Variants in LHX1 observed in about 807,000 individuals in gnomAD.
The protein encoded by LHX1 is LIM homeobox 1.
A neutral mutation model predicts 34.1 loss-of-function variants in LHX1; 9 were observed. The observed-to-expected ratio is 0.26, with a 90% CI of 0.16 to 0.46. The LOEUF (loss-of-function observed/expected upper bound fraction) is 0.46. Ranked by LOEUF, LHX1 falls within the 20% of genes least tolerant of loss-of-function variation. The pLI, the probability that LHX1 is intolerant of heterozygous loss-of-function variation, is 1.00. For synonymous variants in LHX1, 254 were observed against 241.5 expected (o/e 1.05, Z -0.48); for missense variants, 446 against 559.1 (o/e 0.80, Z 2.04).
rs1242032719 is a variant in LHX1 at position 36,940,683 on chromosome 17, G to T, written c.471G>T (p.Glu157Asp). 1.2e-6 allele frequency: 2 copies of T among 1,613,802 alleles called. No individual in the cohort carries two copies. Among genetic ancestry groups the T allele is most frequent in the Non-Finnish European group, 1.7e-6 (2 of 1,180,054 alleles). ...DPSQDDAKDS[E>D]SANVSDKEAG... is the part of the protein sequence containing the mutation. The stretch of plus-strand genomic sequence containing the variant: ...CGCAGGACGACGCCAAGGACTCGGA[G>T]AGCGCCAACGTGTCGGACAAGGAAG... Residue 157 changes from glutamate (E) to aspartate (D), a missense_variant, in exon 3 of 5, where the codon GAG becomes GAT. Physicochemically the swap from Glu to Asp is conservative, Grantham distance 45 (BLOSUM62 2). Coordinates refer to ENST00000614239, the MANE Select transcript of LHX1 (RefSeq NM_005568.5).
Position 36,938,158 on chromosome 17 carries a change from CCTCT to C in LHX1, c.-31_-28del. 1 of 1,589,988 alleles carries C rather than the reference CCTCT, an allele frequency of 6.3e-7. No homozygotes were observed. Among genetic ancestry groups the C allele is most frequent in the South Asian group, 1.1e-5 (1 of 90,352 alleles). ...GTCATCCCCTGGGCTCTACTTTGCC[CCTCT>C]CTCTCTCTGGGCCTCATCAGACCAA... On this transcript the variant is annotated 5_prime_UTR_variant, in exon 1 of 5. Coordinates refer to ENST00000614239, the MANE Select transcript of LHX1 (RefSeq NM_005568.5).
At chr17:36,942,061 C>T (rs2070768196) in intron 3 of LHX1, 139 bp from the exon 4 acceptor site, 2 of 802,732 alleles carry the variant, frequency 2.5e-6, no homozygotes, top group Non-Finnish European at 4.0e-6. Context: ...CGCACCGTCA[C>T]CACTACCCTA....
In LHX1 at chr17:36,942,798, C is replaced by T. The variant is rs2070774479; in HGVS notation, c.888C>T (p.Phe296=). The T allele has an allele frequency of 6.5e-7, 1 of 1,546,466 alleles. No homozygotes were observed. The highest frequency in any genetic ancestry group is 1.4e-5 in the African/African-American group (1 of 72,860). Residue 296 remains phenylalanine, a synonymous_variant, in exon 5 of 5, where the codon TTC becomes TTT. Transcript: ENST00000614239. ...YYGPGGNYDF[F]PQGPPSSQAQ... ...GGCCCGGGGGCAACTACGACTTCTT[C>T]CCGCAAGGCCCCCCGTCCTCGCAGG...
Position 36,942,776 on chromosome 17 carries a change from C to T in LHX1, c.866C>T (p.Pro289Leu), listed in dbSNP as rs2142185654. ...YGDYQSEYYGPGGNYDFFPQG... is the reference protein window; with the variant it reads ...YGDYQSEYYGLGGNYDFFPQG... ...GATTACCAGAGCGAGTACTACGGGC[C>T]CGGGGGCAACTACGACTTCTTCCCG... is the stretch of plus-strand genomic sequence containing the variant. The change falls in exon 5 of 5, where the codon CCC (proline) becomes CTC (leucine). Residue 289 changes from proline to leucine, a missense_variant. Physicochemically the swap from Pro to Leu is moderately conservative, Grantham distance 98. This residue lies in a region of LHX1 where 235 missense variants were observed against 224.4 expected (regional missense o/e 1.05). Coordinates refer to ENST00000614239, the MANE Select transcript of LHX1 (RefSeq NM_005568.5). 2 of 1,540,508 alleles carry T rather than the reference C, an allele frequency of 1.3e-6. No individual in the cohort carries two copies. The highest frequency in any genetic ancestry group is 1.8e-6 in the Non-Finnish European group (2 of 1,140,250).
chr17:36,941,864 G>T (rs1459872921), intron 3 of LHX1, among the ~76,000 whole-genome samples: 2 of 152,150 alleles, frequency 1.3e-5, no homozygotes, highest in Non-Finnish European at 2.9e-5. Flanking sequence ...ACATTATTTT[G>T]GAGAGGCGTA....
chr17:36,943,400 A>C lies in LHX1; in HGVS notation c.*269A>C. 4.8e-6 allele frequency: 2 copies of C among 419,026 alleles called. No individual in the cohort carries two copies. The highest frequency in any genetic ancestry group is 5.2e-5 in the South Asian group (1 of 19,356). The allele number at this position is 419,026 out of a possible 1,614,324, so 26.0% of individuals were successfully genotyped here. A position where few individuals can be genotyped will look rare whatever the true frequency, so the allele number is the denominator to read the frequency against. Reference sequence around the variant, plus strand: ...AAACGCAGACCTCTCCCCAACTCCCACCTGGACCCGGATCCGTAGACAGAC... The same window carrying C: ...AAACGCAGACCTCTCCCCAACTCCCCCCTGGACCCGGATCCGTAGACAGAC... On this transcript the variant is annotated 3_prime_UTR_variant, in exon 5 of 5. Transcript: ENST00000614239.
At chr17:36,940,265 G>GC in intron 1 of LHX1, 25 bp from the exon 2 acceptor site, 2 of 328,474 alleles carry the variant, frequency 6.1e-6, no homozygotes, top group South Asian at 3.3e-5. Context: ...CCCCGCCCCC[G>GC]CCCCCCACCC....
At position 36,943,329 on chromosome 17, in the gene LHX1, A is replaced by T. The variant is rs2070781074; in HGVS notation, c.*198A>T. 1.6e-6 allele frequency: 1 copy of T among 618,808 alleles called. No individual in the cohort carries two copies. Among genetic ancestry groups the T allele is most frequent in the Non-Finnish European group, 2.7e-6 (1 of 374,008 alleles). The allele number at this position is 618,808 out of a possible 1,614,324, so 38.3% of individuals were successfully genotyped here. ...AAATCGGCCTCGAGGTGGGACTGGGATCCGCGCACTGGCTGTCGACGTGCA... is the reference window on the plus strand; with the variant it reads ...AAATCGGCCTCGAGGTGGGACTGGGTTCCGCGCACTGGCTGTCGACGTGCA... On this transcript the variant is annotated 3_prime_UTR_variant, in exon 5 of 5. Transcript: ENST00000614239.
At chr17:36,936,820 G>A (rs1477633084), upstream of LHX1, 4 of 182,646 alleles carry the variant, frequency 2.2e-5, no homozygotes, top group South Asian at 8.5e-5. Context: ...GCCGGAGCTG[G>A]GGAGAGACGC....
In LHX1 at chr17:36,940,462, A is replaced by G; in HGVS notation, c.343A>G (p.Lys115Glu). Residue 115 changes from lysine (K) to glutamate (E), a missense_variant, in exon 2 of 5, where the codon AAA (lysine) becomes GAA (glutamate). By Grantham distance (56) the Lys-to-Glu change is moderately conservative. Coordinates refer to ENST00000614239, the MANE Select transcript of LHX1 (RefSeq NM_005568.5). ...CATCGACGAGAATAAGTTCGTCTGC[A>G]AAGAGGATTACCTAAGTAACAGCAG... ...YIIDENKFVC[K>E]EDYLSNSSVA... 6.2e-7 allele frequency: 1 copy of G among 1,614,102 alleles called. No individual in the cohort carries two copies. The highest frequency in any genetic ancestry group is 8.5e-7 in the Non-Finnish European group (1 of 1,180,032).
At chr17:36,937,118 A>G, upstream of LHX1, 5 of 393,708 alleles carry the variant, frequency 1.3e-5, no homozygotes, top group South Asian at 6.9e-5. Flanking sequence ...GGGGAAAAGG[A>G]AAAGGAGAGA....
Position 36,940,737 on chromosome 17 carries a change from C to T in LHX1, c.525C>T (p.Asn175=), listed in dbSNP as rs748959650. 4.3e-5 allele frequency: 69 copies of T among 1,613,640 alleles called. 3 individuals are homozygous for T. In the South Asian group the frequency reaches 7.5e-4, roughly 17 times the overall value. Residue 175 remains asparagine (N), a synonymous_variant, in exon 3 of 5, where the codon AAC becomes AAT. Coordinates refer to ENST00000614239, the MANE Select transcript of LHX1 (RefSeq NM_005568.5). ...GTAGCAACGAGAATGACGACCAGAA[C>T]CTGGGCGCCAAGCGGCGGGGACCGC... ...EAGSNENDDQ[N]LGAKRRGPRT...
At position 36,943,221 on chromosome 17, in the gene LHX1, G is replaced by A; in HGVS notation, c.*90G>A. Reference sequence around the variant, plus strand: ...AGAAAAAAAAAAACATAAAAAGCAAGTCCCCACCCCCTTCCTCCAGCCTCG... The same window carrying A: ...AGAAAAAAAAAAACATAAAAAGCAAATCCCCACCCCCTTCCTCCAGCCTCG... On this transcript the variant is annotated 3_prime_UTR_variant, in exon 5 of 5. Coordinates refer to ENST00000614239, the MANE Select transcript of LHX1 (RefSeq NM_005568.5). 1 of 1,401,038 alleles carries A rather than the reference G, an allele frequency of 7.1e-7. No individual in the cohort carries two copies. Among genetic ancestry groups the A allele is most frequent in the African/African-American group, 1.5e-5 (1 of 68,346 alleles). The allele number at this position is 1,401,038 out of a possible 1,614,324, so 86.8% of individuals were successfully genotyped here.
intron 3 of LHX1, chr17:36,941,138 G>A (rs1024059168): frequency 1.4e-6 from 1 of 717,854 alleles, no homozygotes; most frequent in Non-Finnish European, 2.5e-6. Flanking sequence ...TTCAGCCAGA[G>A]GCTGGAGGAG....
chr17:36,941,200 C>T (rs746901225), intron 3 of LHX1: 1 of 644,940 alleles, frequency 1.6e-6, no homozygotes, highest in African/African-American at 1.8e-5. Context: ...TCTGCACATA[C>T]CCCACCCCAC....
chr17:36,938,606 G>A (rs1389802318), intron 1 of LHX1: 11 of 616,782 alleles, frequency 1.8e-5, no homozygotes, highest in East Asian at 1.1e-4. Context: ...TGGGAAGAAA[G>A]GGTCTGAGCC....
Position 36,944,285 on chromosome 17 carries a change from G to T in LHX1, c.*1154G>T. The T allele has an allele frequency of 6.8e-6, 1 of 147,620 alleles. No individual in the cohort carries two copies. Among genetic ancestry groups the T allele is most frequent in the African/African-American group, 2.5e-5 (1 of 40,018 alleles). 9.1% of individuals were successfully genotyped at this position (147,620 alleles called of 1,614,324 possible). A position where few individuals can be genotyped will look rare whatever the true frequency, so the allele number is the denominator to read the frequency against. ...GTGTTAAAAAAAAAAAAAAAAAAGTGTTACAAGATTTAAAAAAAAACATCT... is the reference window on the plus strand; with the variant it reads ...GTGTTAAAAAAAAAAAAAAAAAAGTTTTACAAGATTTAAAAAAAAACATCT... On this transcript the variant is annotated 3_prime_UTR_variant, in exon 5 of 5. Coordinates refer to ENST00000614239, the MANE Select transcript of LHX1 (RefSeq NM_005568.5).
At chr17:36,942,446 C>T in intron 4 of LHX1, 81 bp downstream of exon 4, 3 of 1,421,254 alleles carry the variant, frequency 2.1e-6, no homozygotes, top group East Asian at 2.5e-5. Flanking sequence ...GGGGGGCACG[C>T]CTCGCTCTCT....
Position 36,944,111 on chromosome 17 carries a change from A to C in LHX1, c.*980A>C, listed in dbSNP as rs1306671356. On this transcript the variant is annotated 3_prime_UTR_variant, in exon 5 of 5. Transcript: ENST00000614239. ...TCTTTTCCTGTAGATGTTCTGACAG[A>C]TTTGCAGGGCTTTCGGCTCACTGTG... The C allele has an allele frequency of 6.6e-6, 1 of 152,174 alleles. No individual in the cohort carries two copies. The highest frequency in any genetic ancestry group is 2.4e-5 in the African/African-American group (1 of 41,438). The allele number at this position is 152,174 out of a possible 1,614,324, so 9.4% of individuals were successfully genotyped here.
Sources: allele counts gnomAD v4.1 joint callset (sites outside exome capture counted in the v4.1 genomes callset), GRCh38; gene constraint gnomAD v4.1.1; regional missense constraint gnomAD v4.1.1; transcripts MANE v1.5; gene names NCBI Gene and HGNC (gene_info 2026-07-23, HGNC 2026-07-21).